LBH: variants seen among roughly 807,000 people sequenced by gnomAD.
LBH encodes LBH regulator of Wnt signaling pathway.
Under a neutral mutation model 12.5 loss-of-function variants are expected in LBH, and 7 were observed. The ratio of observed to expected loss-of-function variants is 0.56; its 90% CI spans 0.32 to 1.05. The LOEUF (loss-of-function observed/expected upper bound fraction) is 1.05. Among genes scored for constraint, LBH ranks in the 50% least tolerant of loss-of-function variants. The pLI is 0.04. For synonymous variants in LBH, 51 were observed against 50.1 expected (o/e 1.02, Z -0.08); for missense variants, 119 against 138.9 (o/e 0.86, Z 0.72).
chr2:30,232,508 C>A (rs1027303845), intron 1 of LBH: 11 of 329,884 alleles, frequency 3.3e-5, no homozygotes, highest in Admixed American at 2.9e-4. Flanking sequence ...GCTGGGACTT[C>A]CTTGCTGGCA....
intron 2 of LBH, among the ~76,000 whole-genome samples, chr2:30,246,695 G>T (rs1018416463): frequency 7.3e-6 from 1 of 137,704 alleles, no homozygotes; most frequent in African/African-American, 2.8e-5. Context: ...AGCCTATGCA[G>T]ATTTGTTTCT....
At chr2:30,255,731 G>A (rs1678073483) in intron 2 of LBH, among the ~76,000 whole-genome samples, 1 of 152,164 alleles carries the variant, frequency 6.6e-6, no homozygotes, top group South Asian at 2.1e-4. Flanking sequence ...ACAGAAGTTG[G>A]GAAGGCCTGA....
chr2:30,231,833 G>C, intron 1 of LBH, 69 bp downstream of exon 1: 6 of 1,424,946 alleles, frequency 4.2e-6, no homozygotes, highest in Non-Finnish European at 5.6e-6. Flanking sequence ...CGCCTGCTTC[G>C]TGCCGGCTCC....
chr2:30,248,654 C>T (rs371730773), intron 2 of LBH, among the ~76,000 whole-genome samples: 44 of 152,220 alleles, frequency 2.9e-4, no homozygotes, highest in Middle Eastern at 3.4e-3. Flanking sequence ...ATGATACAGT[C>T]AAAAAGTCGT....
intron 2 of LBH, among the ~76,000 whole-genome samples, chr2:30,243,556 A>T (rs1268000909): frequency 1.7e-5 from 2 of 117,066 alleles, no homozygotes; most frequent in African/African-American, 7.0e-5. Flanking sequence ...TTTGAGATGG[A>T]ATCTTGCTCT....
intron 2 of LBH, among the ~76,000 whole-genome samples, chr2:30,249,189 G>A (rs1010084537): frequency 2.6e-5 from 4 of 152,140 alleles, no homozygotes; most frequent in African/African-American, 2.4e-5. Flanking sequence ...CACATTTCAC[G>A]TGGAAAAGCC....
chr2:30,234,343 T>A (rs1280505982), intron 1 of LBH, 62 bp from the exon 2 acceptor site: 2 of 1,261,846 alleles, frequency 1.6e-6, no homozygotes, highest in Middle Eastern at 1.9e-4. Flanking sequence ...AGTGAATGCA[T>A]GAAGAGTTAG....
rs1678050282 is a variant in LBH, at chr2:30,254,750, G to A, written c.130-2683G>A. Among the ~76,000 whole-genome samples the A allele has an allele frequency of 2.0e-5, 3 of 152,214 alleles. No individual in the cohort carries two copies. In the South Asian group the frequency reaches 6.2e-4, roughly 32 times the overall value. On this transcript the variant is annotated intron_variant, in intron 2 of 2. Transcript: ENST00000395323. The stretch of plus-strand genomic sequence containing the variant: ...TGACAATGTGGCCCTGGCACAGGTA[G>A]GCACAATCCTGGCAGTGAGGTCAGA...
intron 1 of LBH, 59 bp downstream of exon 1, chr2:30,231,823 C>G (rs546504809): frequency 6.8e-7 from 1 of 1,478,306 alleles, no homozygotes; most frequent in Non-Finnish European, 9.0e-7. Context: ...CGGGCCCGGG[C>G]GCCTGCTTCG....
intron 2 of LBH, among the ~76,000 whole-genome samples, chr2:30,254,633 CCTT>C (rs1217878889): frequency 1.3e-5 from 2 of 149,612 alleles, no homozygotes; most frequent in Non-Finnish European, 3.0e-5. Flanking sequence ...CCCCCCTCCT[CCTT>C]TTGCTGGGCC....
chr2:30,245,259 C>T (rs1214846514), intron 2 of LBH, among the ~76,000 whole-genome samples: 1 of 152,144 alleles, frequency 6.6e-6, no homozygotes, highest in African/African-American at 2.4e-5. Flanking sequence ...TTTAATAGGT[C>T]ATGGTTGCCG....
chr2:30,250,858 C>A (rs1291825794), intron 2 of LBH, among the ~76,000 whole-genome samples: 2 of 152,022 alleles, frequency 1.3e-5, no homozygotes, highest in Admixed American at 1.3e-4. Context: ...CCCTGGGATT[C>A]CCAGGAACAT....
intron 2 of LBH, among the ~76,000 whole-genome samples, chr2:30,250,946 T>C (rs1306508009): frequency 6.6e-6 from 1 of 152,020 alleles, no homozygotes; most frequent in Admixed American, 6.5e-5. Context: ...CATTTAAGGT[T>C]ACATTAAATT....
At chr2:30,250,798 C>T (rs2103561966) in intron 2 of LBH, among the ~76,000 whole-genome samples, 1 of 151,826 alleles carries the variant, frequency 6.6e-6, no homozygotes, top group African/African-American at 2.4e-5. Flanking sequence ...ACCCTCAGGC[C>T]CAGGATTCTC....
intron 2 of LBH, among the ~76,000 whole-genome samples, chr2:30,238,992 C>T (rs781443454): frequency 4.0e-5 from 6 of 149,942 alleles, no homozygotes; most frequent in East Asian, 2.0e-4. Context: ...CGGGTTCAAG[C>T]GATTCTCCTG....
At chr2:30,257,095 C>T (rs535337615) in intron 2 of LBH, among the ~76,000 whole-genome samples, 1 of 152,180 alleles carries the variant, frequency 6.6e-6, no homozygotes, top group Non-Finnish European at 1.5e-5. Context: ...AGAGAGAGAC[C>T]AGACTTACTG....
rs1677643137 is a variant in LBH at position 30,234,330 on chromosome 2, A to C, written c.27-75A>C. The C allele has an allele frequency of 3.9e-5, 44 of 1,115,356 alleles. 1 individual carries two copies. The South Asian group carries it at 5.5e-4, about 14-fold the overall frequency. 69.1% of individuals were successfully genotyped at this position (1,115,356 alleles called of 1,614,324 possible). On this transcript the variant is annotated intron_variant, in intron 1 of 2. Transcript: ENST00000395323. ...TCTCCAGACAGTCCCCTGATCCCAC[A>C]GCAGTGAATGCATGAAGAGTTAGGA... is the stretch of plus-strand genomic sequence containing the variant.
intron 1 of LBH, chr2:30,232,834 G>A (rs985560536): frequency 1.3e-5 from 2 of 152,348 alleles, no homozygotes; most frequent in African/African-American, 4.8e-5. Context: ...GCCTTTCCAA[G>A]ACCCGGGAGG....
intron 2 of LBH, among the ~76,000 whole-genome samples, chr2:30,246,976 C>A (rs1558388604): frequency 6.6e-6 from 1 of 151,936 alleles, no homozygotes; most frequent in African/African-American, 2.4e-5. Flanking sequence ...ATATGTGCCA[C>A]CATGCCTGGC....
Sources: allele counts gnomAD v4.1 joint callset (sites outside exome capture counted in the v4.1 genomes callset), GRCh38; gene constraint gnomAD v4.1.1; transcripts MANE v1.5; gene names NCBI Gene and HGNC (gene_info 2026-07-23, HGNC 2026-07-21).